Variants in PUM1 observed in about 807,000 individuals in gnomAD.
The protein encoded by PUM1 is pumilio RNA binding family member 1.
Under a neutral mutation model 131.8 loss-of-function variants are expected in PUM1, and 13 were observed. The observed-to-expected ratio is 0.10, with a 90% CI of 0.06 to 0.16. The LOEUF is 0.16. Ranked by LOEUF, PUM1 falls within the 10% of genes least tolerant of loss-of-function variation. The probability of loss-of-function intolerance (pLI) is 1.00; values close to 1 mark genes in which losing one functional copy is unlikely to be tolerated. For synonymous variants in PUM1, 509 were observed against 556.5 expected, an observed-to-expected ratio of 0.91 and a Z score of 1.20; for missense variants, 961 against 1,512.4, an observed-to-expected ratio of 0.64 and a Z score of 6.05.
chr1:31,034,477 C>CA lies in PUM1; in HGVS notation c.364-5614dup, dbSNP rs1205443426. Among the ~76,000 whole-genome samples the CA allele has an allele frequency of 2.6e-5, 4 of 152,122 alleles. No individual in the cohort carries two copies. In the South Asian group the frequency reaches 6.2e-4, roughly 24 times the overall value. On this transcript the variant is annotated intron_variant, in intron 2 of 21. Transcript: ENST00000426105. The stretch of plus-strand genomic sequence containing the variant: ...CAACACGGTGAAATCCCGTCTCTAC[C>CA]AAAAATACAAAAATTACCCAGGTGT...
intron 14 of PUM1, among the ~76,000 whole-genome samples, chr1:30,962,585 A>AT (rs1347983857): frequency 6.6e-6 from 1 of 151,876 alleles, no homozygotes; most frequent in Non-Finnish European, 1.5e-5. Context: ...TAATTTTTGT[A>AT]TTTTTTGGTA....
chr1:30,933,923 A>C (rs1639086669), intron 21 of PUM1, among the ~76,000 whole-genome samples: 1 of 152,244 alleles, frequency 6.6e-6, no homozygotes, highest in South Asian at 2.1e-4. Flanking sequence ...GACAGAAAAC[A>C]TGAAGGCACA....
intron 3 of PUM1, among the ~76,000 whole-genome samples, chr1:31,024,833 G>C (rs920558414): frequency 2.6e-5 from 4 of 152,170 alleles, no homozygotes; most frequent in African/African-American, 9.7e-5. Flanking sequence ...GGAGCAAACA[G>C]GTTATGCAAG....
chr1:30,985,775 G>C (rs183384650), intron 7 of PUM1, among the ~76,000 whole-genome samples: 1 of 152,110 alleles, frequency 6.6e-6, no homozygotes, highest in African/African-American at 2.4e-5. Context: ...AGTACTTTCT[G>C]CATTATACTA....
intron 2 of PUM1, among the ~76,000 whole-genome samples, chr1:31,042,030 C>A (rs1251738293): frequency 6.6e-6 from 1 of 152,064 alleles, no homozygotes; most frequent in Non-Finnish European, 1.5e-5. Flanking sequence ...CTAGGCCAGG[C>A]CCAGTGGCTC....
chr1:31,016,739 A>G (rs1161320854), intron 3 of PUM1, among the ~76,000 whole-genome samples: 3 of 152,202 alleles, frequency 2.0e-5, no homozygotes, highest in Non-Finnish European at 4.4e-5. Flanking sequence ...GTTGTTTCAA[A>G]TGGTTACTAC....
At chr1:30,957,477 T>A (rs571522632) in intron 14 of PUM1, among the ~76,000 whole-genome samples, 1 of 152,226 alleles carries the variant, frequency 6.6e-6, no homozygotes, top group Non-Finnish European at 1.5e-5. Flanking sequence ...TGCAACACTC[T>A]GGAAGTGTTT....
intron 20 of PUM1, among the ~76,000 whole-genome samples, 168 bp downstream of exon 20, chr1:30,940,983 A>C (rs1231643533): frequency 6.6e-6 from 1 of 152,236 alleles, no homozygotes; most frequent in African/African-American, 2.4e-5. Flanking sequence ...GAAGCCCACT[A>C]AGGGACCTCT....
chr1:31,006,988 G>A lies in PUM1; in HGVS notation c.541+6C>T. On this transcript the variant is annotated splice_donor_region_variant and intron_variant, in intron 4 of 21. Transcript: ENST00000426105. ...AATCACAGTACAGATGCTAGATCTA[G>A]ATTACCTGATGTTCCCCAGGCACTG... The A allele has an allele frequency of 6.2e-7, 1 of 1,604,672 alleles. No homozygotes were observed. Among genetic ancestry groups the A allele is most frequent in the Non-Finnish European group, 8.5e-7 (1 of 1,171,628 alleles).
At chr1:31,062,900 T>G (rs566701499) in intron 1 of PUM1, among the ~76,000 whole-genome samples, 18 of 152,360 alleles carry the variant, frequency 1.2e-4, no homozygotes, top group African/African-American at 3.8e-4. Flanking sequence ...ATGGAATTTG[T>G]AATTTGTTTA....
chr1:31,060,471 T>C (rs1290308686), intron 1 of PUM1, among the ~76,000 whole-genome samples: 1 of 151,010 alleles, frequency 6.6e-6, no homozygotes, highest in Non-Finnish European at 1.5e-5. Context: ...AAAAAATCAA[T>C]CAATCAATCA....
chr1:30,985,535 C>T (rs182762083), intron 7 of PUM1, among the ~76,000 whole-genome samples: 2 of 151,470 alleles, frequency 1.3e-5, no homozygotes, highest in African/African-American at 4.9e-5. Context: ...GCCTGTAATC[C>T]CAGTTACTCG....
intron 10 of PUM1, among the ~76,000 whole-genome samples, chr1:30,971,947 C>T (rs769343142): frequency 5.3e-5 from 8 of 152,016 alleles, no homozygotes; most frequent in Non-Finnish European, 1.0e-4. Flanking sequence ...GACTTATCCA[C>T]AAAGAGCAGT....
chr1:30,939,606 ACT>A (rs1360397835), intron 20 of PUM1, among the ~76,000 whole-genome samples: 1 of 152,074 alleles, frequency 6.6e-6, no homozygotes, highest in Admixed American at 6.6e-5. Flanking sequence ...CCCTTTGGTT[ACT>A]CTCTAGTGTC....
intron 2 of PUM1, among the ~76,000 whole-genome samples, chr1:31,044,318 G>A (rs989935601): frequency 1.3e-5 from 2 of 152,072 alleles, no homozygotes; most frequent in Non-Finnish European, 2.9e-5. Flanking sequence ...AGAGAATGGC[G>A]GGAACCCCAG....
chr1:30,984,008 T>C (rs904934690), intron 7 of PUM1, among the ~76,000 whole-genome samples: 2 of 152,204 alleles, frequency 1.3e-5, no homozygotes, highest in African/African-American at 4.8e-5. Context: ...AAAGTAATCA[T>C]TCCATATAAC....
At chr1:30,939,982 GAAGAA>G (rs1639376331) in intron 20 of PUM1, among the ~76,000 whole-genome samples, 1 of 152,100 alleles carries the variant, frequency 6.6e-6, no homozygotes, top group South Asian at 2.1e-4. Context: ...AGACTGACCC[GAAGAA>G]GAGAACCCAA....
chr1:31,059,650 TGAACCCCATGTC>T (rs1477944008), intron 1 of PUM1, 73 bp from the exon 2 acceptor site: 1 of 1,479,044 alleles, frequency 6.8e-7, no homozygotes, highest in Non-Finnish European at 9.1e-7. Context: ...GATAAAAACA[TGAACCCCATGTC>T]TTTTACAATA....
chr1:30,934,841 C>A (rs984099705), intron 21 of PUM1, among the ~76,000 whole-genome samples: 2 of 151,994 alleles, frequency 1.3e-5, no homozygotes, highest in Non-Finnish European at 2.9e-5. Flanking sequence ...CCCTAACAAG[C>A]CACACACACA....
Sources: gnomAD v4.1 joint callset for allele counts (sites outside exome capture counted in the v4.1 genomes callset) on GRCh38, gnomAD v4.1.1 for gene constraint, MANE v1.5 for transcripts, NCBI Gene and HGNC (gene_info 2026-07-23, HGNC 2026-07-21) for gene names.